Variants in ARHGAP26 observed in about 807,000 individuals in gnomAD.
ARHGAP26 encodes rho GTPase-activating protein 26.
Under a neutral mutation model 104.8 loss-of-function variants are expected in ARHGAP26, and 38 were observed. That is an observed-to-expected ratio of 0.36 (90% confidence interval 0.28 to 0.48). The LOEUF (loss-of-function observed/expected upper bound fraction) is 0.48. ARHGAP26 is among the 20% of genes least tolerant of loss of function. ARHGAP26 has a pLI of 0.99. For synonymous variants in ARHGAP26, 341 were observed against 340.0 expected (o/e 1.00, Z -0.03); for missense variants, 704 against 947.9 (o/e 0.74, Z 3.38).
intron 18 of ARHGAP26, among the ~76,000 whole-genome samples, chr5:143,130,359 C>T (rs1797186808): frequency 6.6e-6 from 1 of 152,192 alleles, no homozygotes; most frequent in South Asian, 2.1e-4. Flanking sequence ...CTAAGACATT[C>T]CTGACTAAGT....
At chr5:142,945,944 AC>A (rs1767039283) in intron 11 of ARHGAP26, among the ~76,000 whole-genome samples, 1 of 152,168 alleles carries the variant, frequency 6.6e-6, no homozygotes, top group Admixed American at 6.5e-5. Context: ...GTCTCATTTA[AC>A]CTGGAACAGT....
chr5:142,910,165 T>C (rs1395303593), intron 9 of ARHGAP26, among the ~76,000 whole-genome samples: 1 of 152,202 alleles, frequency 6.6e-6, no homozygotes, highest in Non-Finnish European at 1.5e-5. Flanking sequence ...ACCTTTTATT[T>C]ATATTACCCT....
intron 11 of ARHGAP26, among the ~76,000 whole-genome samples, chr5:143,003,310 G>A (rs910631390): frequency 1.2e-4 from 19 of 152,120 alleles, no homozygotes; most frequent in Non-Finnish European, 2.5e-4. Context: ...AGAGAACTGC[G>A]GTAAGTGCCA....
At chr5:143,101,568 C>T (rs1793238586) in intron 17 of ARHGAP26, among the ~76,000 whole-genome samples, 1 of 152,042 alleles carries the variant, frequency 6.6e-6, no homozygotes, top group African/African-American at 2.4e-5. Flanking sequence ...AACATCCAAC[C>T]AGGCAGTGCT....
At position 143,222,481 on chromosome 5, in the gene ARHGAP26, G is replaced by T; in HGVS notation, c.*35G>T. ...CCAGCAGAACTGCTGAGCTTTACAT[G>T]GTATCCATGACAACTGCTGATTCCA... On this transcript the variant is annotated 3_prime_UTR_variant, in exon 23 of 23. Transcript: ENST00000645722. 6.5e-7 allele frequency: 1 copy of T among 1,531,462 alleles called. No individual in the cohort carries two copies. The highest frequency in any genetic ancestry group is 2.3e-5 in the East Asian group (1 of 43,718). 94.9% of individuals were successfully genotyped at this position (1,531,462 alleles called of 1,614,324 possible).
intron 17 of ARHGAP26, among the ~76,000 whole-genome samples, chr5:143,083,148 C>T (rs1016837735): frequency 6.6e-6 from 1 of 152,126 alleles, no homozygotes; most frequent in Non-Finnish European, 1.5e-5. Flanking sequence ...TTCTTTTTCC[C>T]ATTAGTCACA....
At chr5:142,878,305 C>T (rs929611187) in intron 3 of ARHGAP26, among the ~76,000 whole-genome samples, 1 of 152,168 alleles carries the variant, frequency 6.6e-6, no homozygotes, top group Non-Finnish European at 1.5e-5. Context: ...AGAATCTTAG[C>T]GATGGACAAT....
At chr5:143,073,052 G>C (rs1788499572) in intron 17 of ARHGAP26, among the ~76,000 whole-genome samples, 2 of 152,058 alleles carry the variant, frequency 1.3e-5, no homozygotes, top group Non-Finnish European at 2.9e-5. Flanking sequence ...ATTTAAAGAA[G>C]AAATTGTTTT....
intron 11 of ARHGAP26, among the ~76,000 whole-genome samples, chr5:143,010,041 A>G (rs763308225): frequency 1.3e-4 from 20 of 152,250 alleles, no homozygotes; most frequent in Non-Finnish European, 2.2e-4. Context: ...GTGATCTTTC[A>G]GGACATTGCT....
chr5:142,846,025 T>A (rs1771875615), intron 1 of ARHGAP26, among the ~76,000 whole-genome samples: 2 of 151,984 alleles, frequency 1.3e-5, no homozygotes, highest in African/African-American at 4.8e-5. Context: ...GTCAAAGAGG[T>A]TTATTTTGTG....
At chr5:143,007,755 A>G (rs1412701980) in intron 11 of ARHGAP26, among the ~76,000 whole-genome samples, 1 of 152,226 alleles carries the variant, frequency 6.6e-6, no homozygotes, top group Non-Finnish European at 1.5e-5. Flanking sequence ...TTAAACGCTT[A>G]GTATGGTGTT....
At chr5:143,136,626 G>A (rs1273751367) in intron 19 of ARHGAP26, among the ~76,000 whole-genome samples, 2 of 152,168 alleles carry the variant, frequency 1.3e-5, no homozygotes, top group Non-Finnish European at 2.9e-5. Flanking sequence ...CCCTGTGGGG[G>A]GGCAGTGGGA....
intron 11 of ARHGAP26, among the ~76,000 whole-genome samples, chr5:142,942,223 A>G (rs1029100449): frequency 3.3e-5 from 5 of 152,222 alleles, no homozygotes; most frequent in African/African-American, 1.2e-4. Flanking sequence ...TACTTGTACC[A>G]GAATTTAGCT....
At chr5:142,792,833 A>C (rs1051169174) in intron 1 of ARHGAP26, among the ~76,000 whole-genome samples, 1 of 152,190 alleles carries the variant, frequency 6.6e-6, no homozygotes, top group Non-Finnish European at 1.5e-5. Flanking sequence ...GATTTCTACT[A>C]TCTTAATAAA....
At chr5:143,056,512 A>G (rs1785842302) in intron 16 of ARHGAP26, among the ~76,000 whole-genome samples, 1 of 152,064 alleles carries the variant, frequency 6.6e-6, no homozygotes, top group Non-Finnish European at 1.5e-5. Context: ...CCTGAATATG[A>G]CACCATTTAT....
chr5:143,172,787 C>G (rs751275091), intron 20 of ARHGAP26, among the ~76,000 whole-genome samples: 2 of 152,160 alleles, frequency 1.3e-5, no homozygotes, highest in Non-Finnish European at 1.5e-5. Context: ...CTTAGAGGAT[C>G]CCAGTTATCT....
intron 20 of ARHGAP26, among the ~76,000 whole-genome samples, chr5:143,172,528 C>G (rs765685743): frequency 6.6e-6 from 1 of 152,158 alleles, no homozygotes; most frequent in Non-Finnish European, 1.5e-5. Flanking sequence ...TCATGTGAAT[C>G]TCTATATTAA....
At chr5:143,145,424 A>G (rs1024589988) in intron 19 of ARHGAP26, among the ~76,000 whole-genome samples, 4 of 152,168 alleles carry the variant, frequency 2.6e-5, no homozygotes, top group African/African-American at 7.2e-5. Flanking sequence ...CTCTCTTTAT[A>G]TGGTAGCCTC....
chr5:142,917,550 T>C (rs753840099), intron 10 of ARHGAP26, among the ~76,000 whole-genome samples: 4 of 152,224 alleles, frequency 2.6e-5, no homozygotes, highest in Admixed American at 1.3e-4. Flanking sequence ...CCTCTCTTCT[T>C]ATATCTACTC....
Sources: gnomAD v4.1 joint callset for allele counts (sites outside exome capture counted in the v4.1 genomes callset) on GRCh38, gnomAD v4.1.1 for gene constraint, MANE v1.5 for transcripts, NCBI Gene and HGNC (gene_info 2026-07-23, HGNC 2026-07-21) for gene names.